DYRK1A: variants seen among roughly 807,000 people sequenced by gnomAD.
DYRK1A encodes the protein dual specificity tyrosine-phosphorylation-regulated kinase 1A.
DYRK1A carries 9 observed loss-of-function variants against 79.7 expected under a neutral mutation model. That is an observed-to-expected ratio of 0.11 (90% CI 0.07 to 0.20). The LOEUF is 0.20. Among genes scored for constraint, DYRK1A ranks in the 10% least tolerant of loss-of-function variants. The pLI, the probability that DYRK1A is intolerant of heterozygous loss-of-function variation, is 1.00. For synonymous variants in DYRK1A, 349 were observed against 329.7 expected (o/e 1.06, Z -0.63); for missense variants, 622 against 956.0 (o/e 0.65, Z 4.61).
At chr21:37,423,924 A>G (rs1255824949) in intron 2 of DYRK1A, among the ~76,000 whole-genome samples, 1 of 152,152 alleles carries the variant, frequency 6.6e-6, no homozygotes, top group East Asian at 1.9e-4. Flanking sequence ...CAGAGTTTTA[A>G]TTTTGGATTC....
At chr21:37,485,334 A>G (rs2052818701) in intron 5 of DYRK1A, among the ~76,000 whole-genome samples, 1 of 152,206 alleles carries the variant, frequency 6.6e-6, no homozygotes, top group Admixed American at 6.5e-5. Context: ...CCCCTTGGCC[A>G]CATGTTTACA....
intron 1 of DYRK1A, among the ~76,000 whole-genome samples, chr21:37,381,786 C>A (rs73216412): frequency 0.075 from 11,480 of 152,082 alleles, 648 homozygotes; most frequent in Non-Finnish European, 0.11. Flanking sequence ...TTGAGTGATA[C>A]CCTGACTCAA....
intron 1 of DYRK1A, among the ~76,000 whole-genome samples, chr21:37,412,754 A>G (rs770857107): frequency 6.6e-6 from 1 of 152,076 alleles, no homozygotes; most frequent in Non-Finnish European, 1.5e-5. Context: ...TGGTGCGGGA[A>G]TAGAGATGGG....
At chr21:37,418,315 A>G (rs565665810) in intron 1 of DYRK1A, among the ~76,000 whole-genome samples, 9 of 152,344 alleles carry the variant, frequency 5.9e-5, no homozygotes, top group African/African-American at 2.2e-4. Flanking sequence ...GGCCTTTCAT[A>G]TGAGTAATGA....
Position 37,472,890 on chromosome 21 carries a change from T to A in DYRK1A, c.207+10T>A. ...ACCTCTAACTAACCAGGTAAGTTCA[T>A]GGAGTATCAGAAATGACTATTGGAA... On this transcript the variant is annotated intron_variant, in intron 3 of 11. Coordinates refer to ENST00000647188, the MANE Select transcript of DYRK1A (RefSeq NM_001347721.2). 6.6e-7 allele frequency: 1 copy of A among 1,522,846 alleles called. No individual in the cohort carries two copies. 94.3% of individuals were successfully genotyped at this position (1,522,846 alleles called of 1,614,324 possible). A position where few individuals can be genotyped will look rare whatever the true frequency, so the allele number is the denominator to read the frequency against.
At chr21:37,383,525 C>G (rs1223188529) in intron 1 of DYRK1A, among the ~76,000 whole-genome samples, 1 of 152,226 alleles carries the variant, frequency 6.6e-6, no homozygotes. Flanking sequence ...CCAAGGAACT[C>G]TCCTGGGTCA....
chr21:37,416,317 C>CTTTTTTTTT (rs775621138), intron 1 of DYRK1A, among the ~76,000 whole-genome samples: 65 of 98,134 alleles, frequency 6.6e-4, no homozygotes, highest in Non-Finnish European at 1.1e-3. Flanking sequence ...GTGTTTTGGC[C>CTTTTTTTTT]TTTTTTTTTT....
chr21:37,368,431 TAAA>T (rs1426272042), intron 1 of DYRK1A, among the ~76,000 whole-genome samples: 1 of 152,218 alleles, frequency 6.6e-6, no homozygotes, highest in Admixed American at 6.5e-5. Flanking sequence ...CTGAAATAGT[TAAA>T]AATGGTAAAA....
At chr21:37,449,894 A>G (rs949068731) in intron 2 of DYRK1A, among the ~76,000 whole-genome samples, 7 of 152,196 alleles carry the variant, frequency 4.6e-5, no homozygotes, top group African/African-American at 1.4e-4. Flanking sequence ...CAGAAAACAA[A>G]TGTAATGGAA....
At chr21:37,497,238 A>C (rs1202718427) in intron 9 of DYRK1A, among the ~76,000 whole-genome samples, 1 of 152,174 alleles carries the variant, frequency 6.6e-6, no homozygotes, top group East Asian at 1.9e-4. Flanking sequence ...TGGAGTCATA[A>C]CTTTTAATAT....
At chr21:37,429,638 C>G (rs538247108) in intron 2 of DYRK1A, among the ~76,000 whole-genome samples, 23 of 152,252 alleles carry the variant, frequency 1.5e-4, no homozygotes, top group African/African-American at 5.5e-4. Flanking sequence ...TTCAAGAGGC[C>G]TCTCCTCCAA....
chr21:37,368,103 G>GGGGCCGGGCCGGGCC (rs561276058), intron 1 of DYRK1A: 39 of 152,910 alleles, frequency 2.6e-4, no homozygotes, highest in Non-Finnish European at 1.0e-4. Flanking sequence ...CGAGGACGGC[G>GGGGCCGGGCCGGGCC]GGGCCGGGCC....
At chr21:37,481,947 T>C (rs2052658025) in intron 5 of DYRK1A, among the ~76,000 whole-genome samples, 1 of 152,220 alleles carries the variant, frequency 6.6e-6, no homozygotes, top group Admixed American at 6.5e-5. Context: ...TGTGTTTTGT[T>C]TGAGGTGTGA....
chr21:37,453,189 T>G (rs1462100336), intron 2 of DYRK1A, among the ~76,000 whole-genome samples: 1 of 152,216 alleles, frequency 6.6e-6, no homozygotes, highest in Non-Finnish European at 1.5e-5. Flanking sequence ...TTCCAAAACC[T>G]ATTATTTCAA....
At chr21:37,390,644 T>C (rs2049852866) in intron 1 of DYRK1A, among the ~76,000 whole-genome samples, 1 of 152,008 alleles carries the variant, frequency 6.6e-6, no homozygotes, top group African/African-American at 2.4e-5. Flanking sequence ...TCTTGGCTCA[T>C]TGCAACCTCC....
intron 1 of DYRK1A, among the ~76,000 whole-genome samples, chr21:37,376,104 A>G (rs771005542): frequency 3.3e-5 from 5 of 152,032 alleles, no homozygotes; most frequent in Non-Finnish European, 4.4e-5. Context: ...CAAAGGGGAG[A>G]ACAGCTGCTT....
In DYRK1A at chr21:37,390,730, G is replaced by A. The variant is rs183586634; in HGVS notation, c.-77+23102G>A. Among the ~76,000 whole-genome samples the A allele has an allele frequency of 2.2e-3, 330 of 152,148 alleles. 1 individual carries two copies. Among genetic ancestry groups the A allele is most frequent in the Non-Finnish European group, 3.9e-3 (265 of 67,982 alleles). ...ATTATAGGTGCCTGTCACCACACCC[G>A]GCTAATTTTTTGTATTTTTAGTAGA... On this transcript the variant is annotated intron_variant, in intron 1 of 11. Transcript: ENST00000647188.
chr21:37,470,061 G>C (rs908764214), intron 2 of DYRK1A, among the ~76,000 whole-genome samples: 1 of 152,108 alleles, frequency 6.6e-6, no homozygotes, highest in East Asian at 1.9e-4. Flanking sequence ...GGAGAATGGC[G>C]TGAACCTGGG....
At chr21:37,465,710 G>T (rs1266968940) in intron 2 of DYRK1A, among the ~76,000 whole-genome samples, 1 of 152,050 alleles carries the variant, frequency 6.6e-6, no homozygotes, top group Non-Finnish European at 1.5e-5. Context: ...GGTGGCGGGT[G>T]CCTGTAATCC....
Sources: allele counts gnomAD v4.1 joint callset (sites outside exome capture counted in the v4.1 genomes callset), GRCh38; gene constraint gnomAD v4.1.1; transcripts MANE v1.5; gene names NCBI Gene and HGNC (gene_info 2026-07-23, HGNC 2026-07-21).